Variants in ARHGAP39 observed in about 807,000 individuals in gnomAD.
ARHGAP39 encodes the protein rho GTPase-activating protein 39.
Under a neutral mutation model 106.9 loss-of-function variants are expected in ARHGAP39, and 44 were observed. The ratio of observed to expected loss-of-function variants is 0.41; its 90% CI spans 0.32 to 0.53. ARHGAP39 has a LOEUF of 0.53. Ranked by LOEUF, ARHGAP39 falls within the 20% of genes least tolerant of loss-of-function variation. ARHGAP39 has a pLI of 0.21. For missense variants in ARHGAP39, 1,496 were observed against 1,577.3 expected (o/e 0.95, Z 0.87); for synonymous variants, 768 against 693.2 (o/e 1.11, Z -1.69).
chr8:144,643,038 T>C (rs76708711), intron 1 of ARHGAP39, among the ~76,000 whole-genome samples: 7,507 of 151,916 alleles, frequency 0.049, 480 homozygotes, highest in East Asian at 0.25. Flanking sequence ...ACAACAACAA[T>C]AGAAAATTAA....
At chr8:144,600,050 C>T (rs961427033) in intron 2 of ARHGAP39, among the ~76,000 whole-genome samples, 4 of 152,158 alleles carry the variant, frequency 2.6e-5, no homozygotes, top group African/African-American at 9.7e-5. Context: ...TGGAGGCATG[C>T]ATGCATGTTC....
intron 3 of ARHGAP39, among the ~76,000 whole-genome samples, chr8:144,572,289 A>G (rs1818614770): frequency 1.3e-5 from 2 of 152,234 alleles, no homozygotes; most frequent in South Asian, 4.1e-4. Context: ...CTATAGATCA[A>G]TGGAACAGAA....
rs1819374475 is a variant in ARHGAP39, at chr8:144,591,078, GC to G, written c.81-9802del. 6.6e-6 allele frequency among the ~76,000 whole-genome samples: 1 copy of G among 152,196 alleles called. No homozygotes were observed. ...TCCCCCTGGTCCACTCCTCAGCCTGGCCGGTCTCTGTCACCTTTGCTTCCAT... is the reference window on the plus strand; with the variant it reads ...TCCCCCTGGTCCACTCCTCAGCCTGGCGGTCTCTGTCACCTTTGCTTCCAT... On this transcript the variant is annotated intron_variant, in intron 2 of 11. Transcript: ENST00000377307. The surrounding 1 kb of genome is among the most constrained non-coding windows in gnomAD (Gnocchi z 5.3).
intron 1 of ARHGAP39, among the ~76,000 whole-genome samples, chr8:144,678,576 G>A (rs187977424): frequency 7.9e-5 from 12 of 152,316 alleles, no homozygotes; most frequent in African/African-American, 2.6e-4. Context: ...TTGGGGTCAC[G>A]CAGCGCTGTG....
intron 1 of ARHGAP39, chr8:144,683,370 CAG>C (rs1303103402): frequency 7.3e-6 from 1 of 136,878 alleles, no homozygotes; most frequent in Non-Finnish European, 1.6e-5. Flanking sequence ...TTTTTTGAGA[CAG>C]AGTCTCGCTC....
chr8:144,672,079 C>T lies in ARHGAP39; in HGVS notation c.-82+13607G>A, dbSNP rs982766668. 3.3e-4 allele frequency among the ~76,000 whole-genome samples: 50 copies of T among 152,262 alleles called. 2 individuals are homozygous for T. The highest frequency in any genetic ancestry group is 3.1e-3 in the Admixed American group (48 of 15,292). ...CGAGGGTCTCAGGGACGTCACAGCACTACCCCCTCCCACATGTGGGAATTT... is the reference window on the plus strand; with the variant it reads ...CGAGGGTCTCAGGGACGTCACAGCATTACCCCCTCCCACATGTGGGAATTT... On this transcript the variant is annotated intron_variant, in intron 1 of 11. Transcript: ENST00000377307.
rs529794701 is a variant in ARHGAP39, at chr8:144,612,060, G to A, written c.-81-6365C>T. Reference sequence around the variant, plus strand: ...AGGCCAGAGGATTCCTTGAACCCAAGAGGTCAAAGTTGCAGTGAGCCACGG... The same window carrying A: ...AGGCCAGAGGATTCCTTGAACCCAAAAGGTCAAAGTTGCAGTGAGCCACGG... On this transcript the variant is annotated intron_variant, in intron 1 of 11. Transcript: ENST00000377307. Among the ~76,000 whole-genome samples the A allele has an allele frequency of 1.1e-3, 172 of 151,656 alleles. 1 individual carries two copies. Among genetic ancestry groups the A allele is most frequent in the Non-Finnish European group, 2.1e-3 (144 of 67,920 alleles).
At chr8:144,553,594 CG>C (rs1554919256) in intron 4 of ARHGAP39, among the ~76,000 whole-genome samples, 2 of 152,266 alleles carry the variant, frequency 1.3e-5, no homozygotes, top group Non-Finnish European at 2.9e-5. Flanking sequence ...CTCATACTCC[CG>C]TCGACCCAGC....
In ARHGAP39 at chr8:144,642,512, A is replaced by T. The variant is rs554633775; in HGVS notation, c.-81-36817T>A. Reference sequence around the variant, plus strand: ...AGGGGAAAAAAAATAGATAAAAATTAAAAAAAAAAAAATTAGCCAGGTGAT... The same window carrying T: ...AGGGGAAAAAAAATAGATAAAAATTTAAAAAAAAAAAATTAGCCAGGTGAT... On this transcript the variant is annotated intron_variant, in intron 1 of 11. Coordinates refer to ENST00000377307, the MANE Select transcript of ARHGAP39 (RefSeq NM_025251.3). Among the ~76,000 whole-genome samples the T allele has an allele frequency of 2.1e-3, 266 of 127,996 alleles. 1 individual carries two copies. Among genetic ancestry groups the T allele is most frequent in the Non-Finnish European group, 3.3e-3 (178 of 54,558 alleles). 84.0% of individuals were successfully genotyped at this position (127,996 alleles called of 152,430 possible).
chr8:144,602,551 G>A (rs552951645), intron 2 of ARHGAP39, among the ~76,000 whole-genome samples: 1 of 139,342 alleles, frequency 7.2e-6, no homozygotes, highest in African/African-American at 2.7e-5. Context: ...TGTGCATGGA[G>A]GCGTGCGTGC....
intron 1 of ARHGAP39, among the ~76,000 whole-genome samples, chr8:144,620,111 ATG>A (rs1055854134): frequency 2.4e-5 from 2 of 81,834 alleles, no homozygotes; most frequent in Non-Finnish European, 4.8e-5. Flanking sequence ...GTCCCTGAGC[ATG>A]TGTGCCCGTG....
At chr8:144,695,420 C>G in the ARHGAP39 span, among the ~76,000 whole-genome samples, 1 of 147,122 alleles carries the variant, frequency 6.8e-6, no homozygotes, top group African/African-American at 2.5e-5. Context: ...ATCCTCACCA[C>G]GACCCTGTTT....
chr8:144,672,312 G>A (rs1174850135), intron 1 of ARHGAP39, among the ~76,000 whole-genome samples: 1 of 152,200 alleles, frequency 6.6e-6, no homozygotes, highest in African/African-American at 2.4e-5. Context: ...GTGATCCCAG[G>A]GAATGCTTGA....
At chr8:144,654,281 G>C (rs1284579879) in intron 1 of ARHGAP39, among the ~76,000 whole-genome samples, 3 of 152,228 alleles carry the variant, frequency 2.0e-5, no homozygotes, top group Non-Finnish European at 2.9e-5. Flanking sequence ...GAGGCAAGTG[G>C]ACTGCTTGAG....
chr8:144,677,337 T>C (rs576217715), intron 1 of ARHGAP39, among the ~76,000 whole-genome samples: 1 of 152,340 alleles, frequency 6.6e-6, no homozygotes, highest in African/African-American at 2.4e-5. Flanking sequence ...TTTGACCTAC[T>C]ATATTATTTA....
At chr8:144,649,265 A>AC (rs1325267638) in intron 1 of ARHGAP39, among the ~76,000 whole-genome samples, 2 of 151,798 alleles carry the variant, frequency 1.3e-5, no homozygotes, top group African/African-American at 4.8e-5. Context: ...ACACAGTGAA[A>AC]CCCCATCTCT....
At chr8:144,589,471 G>C (rs1286021002) in intron 2 of ARHGAP39, among the ~76,000 whole-genome samples, 1 of 152,144 alleles carries the variant, frequency 6.6e-6, no homozygotes, top group Non-Finnish European at 1.5e-5. Context: ...ACACTAACAG[G>C]GTGGAATGAA....
At position 144,531,191 on chromosome 8, in the gene ARHGAP39, A is replaced by C. The variant is rs113022494; in HGVS notation, c.2981-320T>G. On this transcript the variant is annotated intron_variant, in intron 10 of 11. Coordinates refer to ENST00000377307, the MANE Select transcript of ARHGAP39 (RefSeq NM_025251.3). ...GGCACAGCTGAAGGGCACAGGGCAG[A>C]GAGCAGCAGGTGGGGAGTGGGCTAG... Among the ~76,000 whole-genome samples the C allele has an allele frequency of 3.1e-3, 392 of 125,732 alleles. 23 individuals carry two copies. Among genetic ancestry groups the C allele is most frequent in the East Asian group, 8.6e-3 (37 of 4,320 alleles). 82.5% of individuals were successfully genotyped at this position (125,732 alleles called of 152,430 possible).
intron 1 of ARHGAP39, among the ~76,000 whole-genome samples, chr8:144,656,615 T>C (rs1821704603): frequency 6.6e-6 from 1 of 151,982 alleles, no homozygotes; most frequent in African/African-American, 2.4e-5. Flanking sequence ...AAGACCAGCC[T>C]GGCCAACATG....
Sources: allele counts gnomAD v4.1 joint callset (sites outside exome capture counted in the v4.1 genomes callset), GRCh38; gene constraint gnomAD v4.1.1; non-coding constraint Gnocchi (gnomAD v3.1); transcripts MANE v1.5; gene names NCBI Gene and HGNC (gene_info 2026-07-23, HGNC 2026-07-21).